Variants in CASP8 observed in about 807,000 individuals in gnomAD.
The protein encoded by CASP8 is caspase 8, also known as caspase-8.
In CASP8, 24 loss-of-function variants were observed where a neutral mutation model predicts 46.3. The observed-to-expected ratio is 0.52, with a 90% CI of 0.38 to 0.73. The LOEUF (loss-of-function observed/expected upper bound fraction) is 0.73, where lower values mean the gene tolerates loss of function less well. Ranked by LOEUF, CASP8 falls within the 30% of genes least tolerant of loss-of-function variation. The pLI is 0.00. For synonymous variants in CASP8, 188 were observed against 200.4 expected (o/e 0.94, Z 0.52); for missense variants, 460 against 559.0 (o/e 0.82, Z 1.79).
Position 201,266,459 on chromosome 2 carries a change from A to G in CASP8, c.-26-2A>G. 2 of 1,606,346 alleles carry G rather than the reference A, an allele frequency of 1.2e-6. No individual in the cohort carries two copies. Among genetic ancestry groups the G allele is most frequent in the Non-Finnish European group, 1.7e-6 (2 of 1,172,926 alleles). On this transcript the variant is annotated splice_acceptor_variant, in intron 1 of 8. Transcript: ENST00000673742. LOFTEE classifies it low-confidence loss of function (5UTR_SPLICE). The surrounding 1 kb of genome is among the most constrained non-coding windows in gnomAD (Gnocchi z 5.7). ...CTGAACATACCATTTATTTTGACTT[A>G]GATTATATTCTCCTGCCTTTTAAAA...
chr2:201,283,819 A>G (rs1407168665), intron 7 of CASP8, among the ~76,000 whole-genome samples: 2 of 27,366 alleles, frequency 7.3e-5, no homozygotes, highest in African/African-American at 1.3e-4. Context: ...CGGGGGGCTG[A>G]CCCCCCCCAC....
rs35508730 is a variant in CASP8 at position 201,275,016 on chromosome 2, C to CT, written c.660+77dup. 0.099 allele frequency: 94,522 copies of CT among 957,692 alleles called. 1,848 individuals are homozygous for CT. Among genetic ancestry groups the CT allele is most frequent in the African/African-American group, 0.25 (13,965 of 56,566 alleles). 59.3% of individuals were successfully genotyped at this position (957,692 alleles called of 1,614,324 possible). A position where few individuals can be genotyped will look rare whatever the true frequency, so the allele number is the denominator to read the frequency against. On this transcript the variant is annotated intron_variant, in intron 6 of 8. Transcript: ENST00000673742. ...AGATTCTAGTTATTTAATTTGTTAGCTTTTTTTTTTTTTTGCTGCCAGATA... is the reference window on the plus strand; with the variant it reads ...AGATTCTAGTTATTTAATTTGTTAGCTTTTTTTTTTTTTTTGCTGCCAGATA...
intron 2 of CASP8, chr2:201,269,670 C>A: frequency 9.1e-7 from 1 of 1,103,396 alleles, no homozygotes; most frequent in Non-Finnish European, 1.4e-6. Flanking sequence ...GCAATCCTGA[C>A]TTACTGCTTG....
At chr2:201,259,618 C>T (rs903224474), upstream of CASP8, among the ~76,000 whole-genome samples, 2 of 152,158 alleles carry the variant, frequency 1.3e-5, no homozygotes, top group East Asian at 3.8e-4. Flanking sequence ...AAGGCAGTTT[C>T]AAAGAAGAGA....
In CASP8 at chr2:201,246,566, C is replaced by A. The variant is rs1292336051; in HGVS notation, c.-27+12454C>A. 6.6e-5 allele frequency among the ~76,000 whole-genome samples: 10 copies of A among 152,210 alleles called. No homozygotes were observed. In the East Asian group the frequency reaches 7.7e-4, roughly 12 times the overall value. The stretch of plus-strand genomic sequence containing the variant: ...TCTTAGACAACCTCTAGTCTAATTT[C>A]TCACATTTGGAAATCTGGAAGTTGG... On this transcript the variant is annotated intron_variant, in intron 2 of 6. Transcript: ENST00000264274.
Position 201,266,813 on chromosome 2 carries a change from G to C in CASP8, c.305+22G>C, listed in dbSNP as rs574483962. 1.3e-6 allele frequency: 2 copies of C among 1,586,708 alleles called. No individual in the cohort carries two copies. Among genetic ancestry groups the C allele is most frequent in the Non-Finnish European group, 1.7e-6 (2 of 1,157,950 alleles). Reference sequence around the variant, plus strand: ...ACAGGTGGGTGGAAACTCCCATTGTGGGACTGGGAGGTGTGGGTTGAATGG... The same window carrying C: ...ACAGGTGGGTGGAAACTCCCATTGTCGGACTGGGAGGTGTGGGTTGAATGG... On this transcript the variant is annotated intron_variant, in intron 2 of 8. Transcript: ENST00000673742. The surrounding 1 kb of genome is among the most constrained non-coding windows in gnomAD (Gnocchi z 5.7).
chr2:201,236,157 G>A (rs573846027), intron 2 of CASP8, among the ~76,000 whole-genome samples: 1 of 152,162 alleles, frequency 6.6e-6, no homozygotes, highest in Middle Eastern at 3.4e-3. Context: ...AAAATATTTC[G>A]TATGCCCTCT....
At chr2:201,247,446 G>C (rs937175727) in intron 2 of CASP8, among the ~76,000 whole-genome samples, 1 of 151,580 alleles carries the variant, frequency 6.6e-6, no homozygotes, top group African/African-American at 2.4e-5. Flanking sequence ...TTCCCCAGGG[G>C]CTGCAGGATT....
intron 2 of CASP8, among the ~76,000 whole-genome samples, chr2:201,252,900 G>A (rs937496811): frequency 1.3e-5 from 2 of 151,538 alleles, no homozygotes; most frequent in Non-Finnish European, 2.9e-5. Flanking sequence ...TATGGAGGGG[G>A]AAAAAAAAGG....
At chr2:201,238,099 T>C (rs1370838821) in intron 2 of CASP8, among the ~76,000 whole-genome samples, 1 of 152,182 alleles carries the variant, frequency 6.6e-6, no homozygotes, top group Non-Finnish European at 1.5e-5. Flanking sequence ...GGATTCACAC[T>C]TTGGAGATAT....
At chr2:201,254,498 C>A (rs189792550) in intron 2 of CASP8, among the ~76,000 whole-genome samples, 10 of 152,208 alleles carry the variant, frequency 6.6e-5, no homozygotes, top group Admixed American at 3.9e-4. Context: ...GAAAGGGGAG[C>A]GGCCCCGTTG....
Position 201,276,715 on chromosome 2 carries a change from C to T in CASP8, c.661-112C>T, listed in dbSNP as rs555633871. On this transcript the variant is annotated intron_variant, in intron 6 of 8. Transcript: ENST00000673742. ...AACTAGTTCTTCGAGGAAACGACCCCGAGTTGGGGTGGTGCAATGGAAAGC... is the reference window on the plus strand; with the variant it reads ...AACTAGTTCTTCGAGGAAACGACCCTGAGTTGGGGTGGTGCAATGGAAAGC... 1.2e-5 allele frequency: 16 copies of T among 1,384,610 alleles called. No homozygotes were observed. In the East Asian group the frequency reaches 1.4e-4, roughly 12 times the overall value. The allele number at this position is 1,384,610 out of a possible 1,614,324, so 85.8% of individuals were successfully genotyped here. A position where few individuals can be genotyped will look rare whatever the true frequency, so the allele number is the denominator to read the frequency against.
At position 201,284,930 on chromosome 2, in the gene CASP8, AC is replaced by A. The variant is rs760132764; in HGVS notation, c.918del (p.Asn306LysfsTer31). On this transcript the variant is annotated frameshift_variant, in exon 8 of 9. Coordinates refer to ENST00000673742, the MANE Select transcript of CASP8 (RefSeq NM_001372051.1). LOFTEE classifies it high-confidence loss of function. ...LKIYQLMDHS[N>X]MDCFICCILS... Reference sequence around the variant, plus strand: ...ATCTACCAACTCATGGACCACAGTAACATGGACTGCTTCATCTGCTGTATCC... The same window carrying A: ...ATCTACCAACTCATGGACCACAGTAAATGGACTGCTTCATCTGCTGTATCC... 5 of 1,614,188 alleles carry A rather than the reference AC, an allele frequency of 3.1e-6. No individual in the cohort carries two copies. The Admixed American group carries it at 8.3e-5, about 27-fold the overall frequency.
intron 1 of CASP8, among the ~76,000 whole-genome samples, chr2:201,260,818 T>C (rs1576278937): frequency 6.6e-6 from 1 of 152,226 alleles, no homozygotes; most frequent in East Asian, 1.9e-4. Flanking sequence ...GGCCGTGCAG[T>C]TTCCAGATCT....
chr2:201,250,869 G>A (rs542229749), intron 2 of CASP8, among the ~76,000 whole-genome samples: 10 of 152,260 alleles, frequency 6.6e-5, no homozygotes, highest in Middle Eastern at 3.4e-3. Flanking sequence ...ATGTAGAACC[G>A]TTACAATATT....
chr2:201,241,452 GA>G (rs1228405667), intron 2 of CASP8: 1 of 152,128 alleles, frequency 6.6e-6, no homozygotes, highest in Non-Finnish European at 1.5e-5. Flanking sequence ...TAATCTAGAA[GA>G]AATGAATAAA....
Position 201,274,960 on chromosome 2 carries a change from G to A in CASP8, c.660+7G>A, listed in dbSNP as rs766429077. On this transcript the variant is annotated splice_region_variant and intron_variant, in intron 6 of 8. Transcript: ENST00000673742. Reference sequence around the variant, plus strand: ...ACAGGATAGTGAATCACAGGTAGACGGAAACCTCCAAATCCTTTTTTTTAC... The same window carrying A: ...ACAGGATAGTGAATCACAGGTAGACAGAAACCTCCAAATCCTTTTTTTTAC... The A allele has an allele frequency of 7.5e-6, 12 of 1,600,214 alleles. No homozygotes were observed. Among genetic ancestry groups the A allele is most frequent in the East Asian group, 2.2e-5 (1 of 44,816 alleles).
Position 201,286,077 on chromosome 2 carries a change from T to C in CASP8, c.1305-382T>C, listed in dbSNP as rs187432194. Among the ~76,000 whole-genome samples, 27 of 152,352 alleles carry C rather than the reference T, an allele frequency of 1.8e-4. No homozygotes were observed. In the East Asian group the frequency reaches 3.1e-3, roughly 17 times the overall value. On this transcript the variant is annotated intron_variant, in intron 8 of 8. Transcript: ENST00000673742. ...ATACTTTCACTTGCCTTAAGTTTAA[T>C]TGCATCAAAGATGAATCCGCAGATG...
chr2:201,236,608 A>G (rs1305725331), intron 2 of CASP8, among the ~76,000 whole-genome samples: 1 of 152,150 alleles, frequency 6.6e-6, no homozygotes. Flanking sequence ...TTTAGAGACA[A>G]GAGTTTGGCT....
Sources: gnomAD v4.1 joint callset for allele counts (sites outside exome capture counted in the v4.1 genomes callset) on GRCh38, gnomAD v4.1.1 for gene constraint, Gnocchi (gnomAD v3.1) non-coding constraint, MANE v1.5 for transcripts, NCBI Gene and HGNC (gene_info 2026-07-23, HGNC 2026-07-21) for gene names.